The following COL25A1 variants were observed in gnomAD, a reference collection of about 807,000 sequenced individuals.
The protein encoded by COL25A1 is collagen type XXV alpha 1 chain.
A neutral mutation model predicts 128.4 loss-of-function variants in COL25A1; 103 were observed. The ratio of observed to expected loss-of-function variants is 0.80; its 90% CI spans 0.68 to 0.94. The LOEUF is 0.94. Among genes scored for constraint, COL25A1 ranks in the 40% least tolerant of loss-of-function variants. The pLI is 0.00. For synonymous variants in COL25A1, 279 were observed against 277.2 expected (o/e 1.01, Z -0.06); for missense variants, 745 against 840.0 (o/e 0.89, Z 1.40).
chr4:109,175,498 A>T (rs746399548), intron 3 of COL25A1, among the ~76,000 whole-genome samples: 1 of 152,222 alleles, frequency 6.6e-6, no homozygotes, highest in African/African-American at 2.4e-5. Context: ...TTCTTCATAT[A>T]AAACACAATT....
At chr4:109,135,133 CA>C (rs113482162) in intron 3 of COL25A1, among the ~76,000 whole-genome samples, 6 of 150,986 alleles carry the variant, frequency 4.0e-5, no homozygotes, top group African/African-American at 1.5e-4. Flanking sequence ...TAGAAAAGTC[CA>C]ATAAGATCAG....
intron 30 of COL25A1, among the ~76,000 whole-genome samples, chr4:108,842,644 G>C (rs1035980716): frequency 1.3e-5 from 2 of 152,026 alleles, no homozygotes; most frequent in Non-Finnish European, 2.9e-5. Flanking sequence ...TTCAGATAAG[G>C]ATTTTCAGGA....
intron 3 of COL25A1, among the ~76,000 whole-genome samples, chr4:109,259,790 A>T (rs1474704778): frequency 6.6e-6 from 1 of 152,168 alleles, no homozygotes; most frequent in African/African-American, 2.4e-5. Context: ...TACTATTTCC[A>T]TTTTTTATAC....
intron 3 of COL25A1, among the ~76,000 whole-genome samples, chr4:109,285,985 G>C (rs867588583): frequency 3.9e-4 from 59 of 152,274 alleles, no homozygotes; most frequent in African/African-American, 1.4e-3. Flanking sequence ...ACAGCTTGAG[G>C]CTGGTGGAAT....
intron 5 of COL25A1, among the ~76,000 whole-genome samples, chr4:109,044,335 A>G (rs1216913998): frequency 1.3e-5 from 2 of 151,980 alleles, no homozygotes; most frequent in Non-Finnish European, 2.9e-5. Flanking sequence ...AGTTTTCCAA[A>G]ACATTCTAAG....
intron 3 of COL25A1, among the ~76,000 whole-genome samples, chr4:109,064,164 C>T (rs1762216549): frequency 6.6e-6 from 1 of 152,138 alleles, no homozygotes; most frequent in South Asian, 2.1e-4. Flanking sequence ...ATAGATTAAA[C>T]AAAAGATCCC....
chr4:108,983,853 G>C (rs545323647), intron 6 of COL25A1, among the ~76,000 whole-genome samples: 1 of 152,160 alleles, frequency 6.6e-6, no homozygotes, highest in African/African-American at 2.4e-5. Context: ...TGGCAGTGTG[G>C]ACCCGAAGAG....
chr4:108,875,049 T>C (rs986848071), intron 19 of COL25A1, among the ~76,000 whole-genome samples: 7 of 152,172 alleles, frequency 4.6e-5, no homozygotes, highest in African/African-American at 1.2e-4. Flanking sequence ...ATTCCTCACA[T>C]TGGTGCTGAG....
intron 3 of COL25A1, among the ~76,000 whole-genome samples, chr4:109,136,269 C>T (rs1156451680): frequency 6.6e-6 from 1 of 152,110 alleles, no homozygotes; most frequent in Admixed American, 6.5e-5. Context: ...TGTGGTGGCA[C>T]GTGCCTGTAG....
rs140111230 is a variant in COL25A1, at chr4:109,197,213, C to A, written c.367+103370G>T. ...TGGCGGTGCATGCCTCTAATCCCAG[C>A]TACTCAGAAGGCTGAGGCAGGAGGA... On this transcript the variant is annotated intron_variant, in intron 3 of 37. Coordinates refer to ENST00000399132, the MANE Select transcript of COL25A1 (RefSeq NM_198721.4). 8.4e-3 allele frequency among the ~76,000 whole-genome samples: 1,259 copies of A among 149,302 alleles called. 57 individuals are homozygous for A. In the South Asian group the frequency reaches 0.14, roughly 16 times the overall value.
chr4:109,138,015 T>TGTGTGTGTGTG (rs1560752663), intron 3 of COL25A1, among the ~76,000 whole-genome samples: 8 of 151,422 alleles, frequency 5.3e-5, no homozygotes, highest in South Asian at 4.2e-4. Context: ...TGTGTGTGTG[T>TGTGTGTGTGTG]TGGGATACAT....
chr4:109,115,072 C>A (rs548723870), intron 3 of COL25A1, among the ~76,000 whole-genome samples: 1 of 151,932 alleles, frequency 6.6e-6, no homozygotes, highest in African/African-American at 2.4e-5. Flanking sequence ...AAACAAAATA[C>A]ATTAAAATGT....
chr4:109,243,648 T>A (rs1780055528), intron 3 of COL25A1, among the ~76,000 whole-genome samples: 1 of 152,020 alleles, frequency 6.6e-6, no homozygotes, highest in Non-Finnish European at 1.5e-5. Context: ...CTGTTCTCTA[T>A]CTACAATGAG....
chr4:108,936,288 A>T (rs545926796), intron 11 of COL25A1, among the ~76,000 whole-genome samples: 9 of 152,156 alleles, frequency 5.9e-5, no homozygotes, highest in Non-Finnish European at 7.4e-5. Flanking sequence ...AATTATCTGT[A>T]TTGGGCACGG....
chr4:109,168,672 G>C (rs768205640), intron 3 of COL25A1, among the ~76,000 whole-genome samples: 28 of 152,070 alleles, frequency 1.8e-4, no homozygotes, highest in Non-Finnish European at 4.0e-4. Flanking sequence ...TGTCCTTGCA[G>C]AGGTGCTCTT....
intron 11 of COL25A1, among the ~76,000 whole-genome samples, chr4:108,931,405 G>A (rs892814200): frequency 1.3e-5 from 2 of 152,064 alleles, no homozygotes; most frequent in Admixed American, 6.5e-5. Context: ...TAATAATAGA[G>A]CTGATTCACA....
At chr4:109,078,026 G>A (rs60734369) in intron 3 of COL25A1, among the ~76,000 whole-genome samples, 3,057 of 152,158 alleles carry the variant, frequency 0.02, 68 homozygotes, top group Middle Eastern at 0.11. Context: ...ATCTTTTCTC[G>A]GCTGCTCTTA....
chr4:109,152,178 C>A lies in COL25A1; in HGVS notation c.368-101999G>T, dbSNP rs531432996. 1.9e-3 allele frequency among the ~76,000 whole-genome samples: 279 copies of A among 150,320 alleles called. 2 individuals carry two copies. Among genetic ancestry groups the A allele is most frequent in the Non-Finnish European group, 2.8e-3 (189 of 67,714 alleles). On this transcript the variant is annotated intron_variant, in intron 3 of 37. Transcript: ENST00000399132. ...TCAAGTGTATGTATTATGGAAAAAACAATCTCAATAATGAACCCCAAAGAA... is the reference window on the plus strand; with the variant it reads ...TCAAGTGTATGTATTATGGAAAAAAAAATCTCAATAATGAACCCCAAAGAA...
chr4:108,831,444 CT>C (rs541224378), intron 32 of COL25A1, among the ~76,000 whole-genome samples: 1 of 152,066 alleles, frequency 6.6e-6, no homozygotes, highest in East Asian at 1.9e-4. Context: ...TACTGGCCCT[CT>C]TTTTTTAAAG....
Sources: gnomAD v4.1 joint callset for allele counts (sites outside exome capture counted in the v4.1 genomes callset) on GRCh38, gnomAD v4.1.1 for gene constraint, MANE v1.5 for transcripts, NCBI Gene and HGNC (gene_info 2026-07-23, HGNC 2026-07-21) for gene names.